NSMCE2: variants seen among roughly 807,000 people sequenced by gnomAD.
NSMCE2 encodes the protein NSE2 SUMO ligase component of SMC5/6 complex.
Under a neutral mutation model 23.8 loss-of-function variants are expected in NSMCE2, and 24 were observed. The observed-to-expected ratio is 1.01, with a 90% CI of 0.73 to 1.42. NSMCE2 has a LOEUF of 1.42. NSMCE2 is among the 40% of genes most tolerant of loss of function. The pLI, the probability that NSMCE2 is intolerant of heterozygous loss-of-function variation, is 0.00. For synonymous variants in NSMCE2, 92 were observed against 94.1 expected (o/e 0.98, Z 0.13); for missense variants, 284 against 296.5 (o/e 0.96, Z 0.31).
At chr8:125,198,584 A>C (rs1412934799) in intron 5 of NSMCE2, among the ~76,000 whole-genome samples, 3 of 152,026 alleles carry the variant, frequency 2.0e-5, no homozygotes, top group Non-Finnish European at 4.4e-5. Context: ...GCTGGATTCG[A>C]TTTGCCAGTA....
intron 4 of NSMCE2, among the ~76,000 whole-genome samples, chr8:125,165,443 TA>T (rs986361052): frequency 4.6e-5 from 7 of 152,196 alleles, no homozygotes; most frequent in Non-Finnish European, 1.0e-4. Flanking sequence ...GAGTAAAATA[TA>T]TGGGAGAATT....
chr8:125,364,840 C>A (rs1320571288), intron 7 of NSMCE2, among the ~76,000 whole-genome samples: 2 of 152,122 alleles, frequency 1.3e-5, no homozygotes, highest in Non-Finnish European at 2.9e-5. Flanking sequence ...GCAAGGGAGG[C>A]TCAAGAGGGT....
At chr8:125,319,131 CT>C (rs1829324315) in intron 5 of NSMCE2, among the ~76,000 whole-genome samples, 1 of 152,218 alleles carries the variant, frequency 6.6e-6, no homozygotes, top group African/African-American at 2.4e-5. Context: ...ACATTGGTTA[CT>C]TTTGCTTCAG....
At chr8:125,190,335 G>A (rs551326121) in intron 5 of NSMCE2, among the ~76,000 whole-genome samples, 1 of 152,188 alleles carries the variant, frequency 6.6e-6, no homozygotes, top group East Asian at 1.9e-4. Flanking sequence ...CATCTTCATG[G>A]TGAAGCAGCC....
chr8:125,158,128 G>A lies in NSMCE2; in HGVS notation c.264+6851G>A, dbSNP rs553563315. 1.4e-4 allele frequency among the ~76,000 whole-genome samples: 21 copies of A among 152,256 alleles called. No homozygotes were observed. In the East Asian group the frequency reaches 1.5e-3, roughly 11 times the overall value. On this transcript the variant is annotated intron_variant, in intron 4 of 7. Coordinates refer to ENST00000287437, the MANE Select transcript of NSMCE2 (RefSeq NM_173685.4). ...TGTGGTTTCAACCCCCTAATTTTAC[G>A]AAGGAGGCTGTGAGATAGGTCCAGC... is the stretch of plus-strand genomic sequence containing the variant.
intron 5 of NSMCE2, among the ~76,000 whole-genome samples, chr8:125,355,188 T>A (rs1813202772): frequency 6.6e-6 from 1 of 152,194 alleles, no homozygotes; most frequent in Admixed American, 6.5e-5. Flanking sequence ...CTGGCCTAGG[T>A]GATGGCCCAC....
At chr8:125,330,106 G>A (rs949998083) in intron 5 of NSMCE2, among the ~76,000 whole-genome samples, 17 of 152,136 alleles carry the variant, frequency 1.1e-4, no homozygotes, top group African/African-American at 3.4e-4. Context: ...TTCGGGGCAC[G>A]TCGCTTTCAG....
chr8:125,095,082 C>A (rs1341628668), intron 1 of NSMCE2, among the ~76,000 whole-genome samples: 1 of 151,674 alleles, frequency 6.6e-6, no homozygotes, highest in African/African-American at 2.4e-5. Flanking sequence ...AACTCCTGGG[C>A]TCAAGCCAAC....
intron 5 of NSMCE2, among the ~76,000 whole-genome samples, chr8:125,340,012 GT>G (rs752038710): frequency 0.011 from 1,114 of 102,760 alleles, 3 homozygotes; most frequent in Non-Finnish European, 0.015. Context: ...GTTTTTTTTT[GT>G]TTTTTTTTTT....
In NSMCE2 at chr8:125,366,918, C is replaced by G. The variant is rs766415716; in HGVS notation, c.*33C>G. The G allele has an allele frequency of 1.4e-5, 16 of 1,160,512 alleles. No individual in the cohort carries two copies. The South Asian group carries it at 2.0e-4, about 14-fold the overall frequency. 71.9% of individuals were successfully genotyped at this position (1,160,512 alleles called of 1,614,324 possible). A position where few individuals can be genotyped will look rare whatever the true frequency, so the allele number is the denominator to read the frequency against. ...CACCTGCCTGCAGGGACACCAGCAG[C>G]CTACCTCCTACCCCAGCTGTCTGTT... On this transcript the variant is annotated 3_prime_UTR_variant, in exon 8 of 8. Coordinates refer to ENST00000287437, the MANE Select transcript of NSMCE2 (RefSeq NM_173685.4).
intron 1 of NSMCE2, among the ~76,000 whole-genome samples, chr8:125,099,701 G>A (rs535782031): frequency 7.9e-5 from 12 of 152,266 alleles, no homozygotes; most frequent in Admixed American, 2.0e-4. Flanking sequence ...AAGAGCAGTT[G>A]CAGTGGAGTG....
intron 4 of NSMCE2, among the ~76,000 whole-genome samples, chr8:125,167,284 G>A (rs1261962836): frequency 6.6e-6 from 1 of 152,172 alleles, no homozygotes; most frequent in East Asian, 1.9e-4. Flanking sequence ...TTGATTGCTC[G>A]AAATCTTGAA....
At chr8:125,171,709 T>TATAATA (rs142119790) in intron 4 of NSMCE2, among the ~76,000 whole-genome samples, 1 of 151,996 alleles carries the variant, frequency 6.6e-6, no homozygotes, top group African/African-American at 2.4e-5. Flanking sequence ...TTAAACTTGC[T>TATAATA]ATAATAATAA....
chr8:125,144,361 G>A (rs1215248231), intron 3 of NSMCE2, among the ~76,000 whole-genome samples: 3 of 152,204 alleles, frequency 2.0e-5, no homozygotes, highest in Non-Finnish European at 4.4e-5. Flanking sequence ...TGTTAGCCAT[G>A]CCCACCTGGA....
At chr8:125,171,359 T>A (rs1006217305) in intron 4 of NSMCE2, among the ~76,000 whole-genome samples, 2 of 152,138 alleles carry the variant, frequency 1.3e-5, no homozygotes, top group African/African-American at 4.8e-5. Context: ...AAGTCTAGGG[T>A]TAGTAGTATG....
intron 5 of NSMCE2, among the ~76,000 whole-genome samples, chr8:125,332,916 A>C (rs796649732): frequency 2.2e-4 from 34 of 152,310 alleles, no homozygotes; most frequent in African/African-American, 8.2e-4. Flanking sequence ...ATGTGCTTGG[A>C]AATCATCCAG....
chr8:125,324,545 C>G (rs1321190281), intron 5 of NSMCE2, among the ~76,000 whole-genome samples: 1 of 141,404 alleles, frequency 7.1e-6, no homozygotes, highest in African/African-American at 2.6e-5. Flanking sequence ...AAGAGCATAT[C>G]CTATGTGATT....
chr8:125,099,075 C>G (rs918818029), intron 1 of NSMCE2, among the ~76,000 whole-genome samples: 1 of 152,048 alleles, frequency 6.6e-6, no homozygotes. Flanking sequence ...ATGTGCCATG[C>G]GTTGTTTTAG....
chr8:125,159,107 G>A (rs1821469257), intron 4 of NSMCE2, among the ~76,000 whole-genome samples: 1 of 152,196 alleles, frequency 6.6e-6, no homozygotes, highest in African/African-American at 2.4e-5. Context: ...ACAAGAGGAA[G>A]GGTGAGTACA....
Sources: allele counts gnomAD v4.1 joint callset (sites outside exome capture counted in the v4.1 genomes callset), GRCh38; gene constraint gnomAD v4.1.1; transcripts MANE v1.5; gene names NCBI Gene and HGNC (gene_info 2026-07-23, HGNC 2026-07-21).